Variants in BMP3 observed in about 807,000 individuals in gnomAD.
BMP3 encodes the protein bone morphogenetic protein 3 (osteogenic).
Under a neutral mutation model 38.1 loss-of-function variants are expected in BMP3, and 23 were observed. That is an observed-to-expected ratio of 0.60 (90% CI 0.43 to 0.86). BMP3 has a LOEUF of 0.86. Among genes scored for constraint, BMP3 ranks in the 40% least tolerant of loss-of-function variants. The pLI is 0.00. For synonymous variants in BMP3, 258 were observed against 225.7 expected, an observed-to-expected ratio of 1.14 and a Z score of -1.28; for missense variants, 628 against 579.6, an observed-to-expected ratio of 1.08 and a Z score of -0.86.
intron 1 of BMP3, among the ~76,000 whole-genome samples, chr4:81,041,434 T>C (rs1265377147): frequency 1.3e-5 from 2 of 152,248 alleles, no homozygotes; most frequent in African/African-American, 4.8e-5. Flanking sequence ...AAATGGCTGA[T>C]AATTCTAGCT....
rs1739765083 is a variant in BMP3, at chr4:81,031,484, A to G, written c.200A>G (p.Tyr67Cys). 3 of 1,613,190 alleles carry G rather than the reference A, an allele frequency of 1.9e-6. No individual in the cohort carries two copies. The highest frequency in any genetic ancestry group is 1.7e-6 in the Non-Finnish European group (2 of 1,179,656). ...SEHMLRLYDRYSTVQAARTPG... is the reference protein window; with the variant it reads ...SEHMLRLYDRCSTVQAARTPG... ...CACATGCTGCGGCTCTATGACAGGT[A>G]CAGCACGGTCCAGGCGGCCCGGACA... Residue 67 changes from tyrosine to cysteine, a missense_variant, in exon 1 of 3, where the codon TAC becomes TGC. Transcript: ENST00000282701.
At position 81,053,610 on chromosome 4, in the gene BMP3, T is replaced by G. The variant is rs2109914477; in HGVS notation, c.*74T>G. 1.5e-5 allele frequency: 12 copies of G among 811,962 alleles called. No homozygotes were observed. Among genetic ancestry groups the G allele is most frequent in the African/African-American group, 7.1e-5 (4 of 56,664 alleles). The allele number at this position is 811,962 out of a possible 1,614,324, so 50.3% of individuals were successfully genotyped here. On this transcript the variant is annotated 3_prime_UTR_variant, in exon 3 of 3. Coordinates refer to ENST00000282701, the MANE Select transcript of BMP3 (RefSeq NM_001201.5). ...TTATGGACTTCTTCCTGTTTTTTTT[T>G]TTTTTTTTTTTGCACTGCCAATGCA... is the stretch of plus-strand genomic sequence containing the variant.
chr4:81,046,289 T>A lies in BMP3; in HGVS notation c.868T>A (p.Ser290Thr), dbSNP rs749000111. 8.1e-6 allele frequency: 13 copies of A among 1,613,942 alleles called. No individual in the cohort carries two copies. The highest frequency in any genetic ancestry group is 1.1e-5 in the Non-Finnish European group (13 of 1,180,006). ...TTCCATTGAGCGGAGGAAGAAGCGC[T>A]CTACTGGGGTCTTGCTGCCTCTGCA... Reference protein sequence around the residue: ...ALSIERRKKRSTGVLLPLQNN... With the variant: ...ALSIERRKKRTTGVLLPLQNN... Residue 290 changes from serine to threonine, a missense_variant, in exon 2 of 3, where the codon TCT (serine) becomes ACT (threonine). Coordinates refer to ENST00000282701, the MANE Select transcript of BMP3 (RefSeq NM_001201.5).
At chr4:81,043,589 A>ATTTT (rs1560511859) in intron 1 of BMP3, among the ~76,000 whole-genome samples, 2 of 18,664 alleles carry the variant, frequency 1.1e-4, no homozygotes. Flanking sequence ...AGCATACTAC[A>ATTTT]ATTTTTTTTT....
Position 81,046,433 on chromosome 4 carries a change from C to T in BMP3, c.1012C>T (p.Gln338Ter). The T allele has an allele frequency of 1.2e-6, 2 of 1,613,694 alleles. No individual in the cohort carries two copies. Among genetic ancestry groups the T allele is most frequent in the African/African-American group, 2.7e-5 (2 of 74,926 alleles). ...TGAAAAGAGTAAGAATAAAAAGAAA[C>T]AGAGAAAGGGGCCTCATCGGAAGAG... ...APEKSKNKKK[Q>*]RKGPHRKSQT... The change falls in exon 2 of 3, where the codon CAG becomes TAG. Residue 338 changes from glutamine to a stop codon, truncating the protein, a stop_gained. Transcript: ENST00000282701. LOFTEE classifies it high-confidence loss of function.
Position 81,053,601 on chromosome 4 carries a change from GTTTTTT to G in BMP3, c.*80_*85del, listed in dbSNP as rs60606505. On this transcript the variant is annotated 3_prime_UTR_variant, in exon 3 of 3. Transcript: ENST00000282701. The stretch of plus-strand genomic sequence containing the variant: ...AGTTTATTTTTATGGACTTCTTCCT[GTTTTTT>G]TTTTTTTTTTTTTTGCACTGCCAAT... 3.9e-4 allele frequency: 138 copies of G among 357,902 alleles called. No individual in the cohort carries two copies. Among genetic ancestry groups the G allele is most frequent in the Admixed American group, 7.1e-4 (10 of 14,068 alleles). The allele number at this position is 357,902 out of a possible 1,614,324, so 22.2% of individuals were successfully genotyped here.
intron 1 of BMP3, among the ~76,000 whole-genome samples, chr4:81,040,815 C>T (rs1039201587): frequency 6.6e-6 from 1 of 152,152 alleles, no homozygotes; most frequent in African/African-American, 2.4e-5. Context: ...CGAATACTAT[C>T]CACAGCCTAA....
Position 81,031,271 on chromosome 4 carries a change from G to A in BMP3, c.-14G>A. ...GCGACGCCGGGAGCCGACGCGCCGC[G>A]CGGGTACCTAGCCATGGCTGGGGCG... is the stretch of plus-strand genomic sequence containing the variant. On this transcript the variant is annotated 5_prime_UTR_variant, in exon 1 of 3. Transcript: ENST00000282701. The A allele has an allele frequency of 1.3e-6, 2 of 1,576,322 alleles. No individual in the cohort carries two copies. Among genetic ancestry groups the A allele is most frequent in the Non-Finnish European group, 1.7e-6 (2 of 1,160,910 alleles).
intron 2 of BMP3, among the ~76,000 whole-genome samples, chr4:81,050,662 T>C (rs1452869155): frequency 6.6e-6 from 1 of 152,100 alleles, no homozygotes; most frequent in Non-Finnish European, 1.5e-5. Flanking sequence ...CAACCTCAAT[T>C]AATTTCCTGA....
Position 81,032,207 on chromosome 4 carries a change from A to AAAC in BMP3, c.316+609_316+610insCAA, listed in dbSNP as rs1331176849. Among the ~76,000 whole-genome samples, 45 of 150,292 alleles carry AAAC rather than the reference A, an allele frequency of 3.0e-4. 2 individuals are homozygous for AAAC. The highest frequency in any genetic ancestry group is 5.8e-4 in the Non-Finnish European group (39 of 67,454). On this transcript the variant is annotated intron_variant, in intron 1 of 2. Coordinates refer to ENST00000282701, the MANE Select transcript of BMP3 (RefSeq NM_001201.5). Reference sequence around the variant, plus strand: ...GTTCCTTAGTGGCAAAAAAAAAAAAAAAAAAAAAAAAAACAGGTGCTTGGG... The same window carrying AAAC: ...GTTCCTTAGTGGCAAAAAAAAAAAAAAACAAAAAAAAAAAAACAGGTGCTTGGG...
chr4:81,031,562 A>G lies in BMP3; in HGVS notation c.278A>G (p.Glu93Gly). 4 of 1,609,910 alleles carry G rather than the reference A, an allele frequency of 2.5e-6. No individual in the cohort carries two copies. In the South Asian group the frequency reaches 3.3e-5, roughly 13 times the overall value. ...SQPWRPRLLR[E>G]GNTVRSFRAA... Reference sequence around the variant, plus strand: ...CCCTGGCGCCCTCGGCTCCTGCGCGAAGGCAACACGGTTCGCAGCTTTCGG... The same window carrying G: ...CCCTGGCGCCCTCGGCTCCTGCGCGGAGGCAACACGGTTCGCAGCTTTCGG... The change falls in exon 1 of 3, where the codon GAA becomes GGA. Residue 93 changes from glutamate (E) to glycine (G), a missense_variant. Transcript: ENST00000282701.
rs1420304885 is a variant in BMP3 at position 81,055,433 on chromosome 4, T to G, written c.*1897T>G. On this transcript the variant is annotated 3_prime_UTR_variant, in exon 3 of 3. Coordinates refer to ENST00000282701, the MANE Select transcript of BMP3 (RefSeq NM_001201.5). Reference sequence around the variant, plus strand: ...TTCTGGTGCCTGAGTTACCATGCTTTCTTCTAGTTCTTACAGTAGCATAAA... The same window carrying G: ...TTCTGGTGCCTGAGTTACCATGCTTGCTTCTAGTTCTTACAGTAGCATAAA... The G allele has an allele frequency of 1.3e-5, 2 of 152,174 alleles. No individual in the cohort carries two copies. The highest frequency in any genetic ancestry group is 4.8e-5 in the African/African-American group (2 of 41,448). The allele number at this position is 152,174 out of a possible 1,614,324, so 9.4% of individuals were successfully genotyped here. A position where few individuals can be genotyped will look rare whatever the true frequency, so the allele number is the denominator to read the frequency against.
Position 81,031,521 on chromosome 4 carries a change from G to A in BMP3, c.237G>A (p.Leu79=), listed in dbSNP as rs753759822. 1.9e-6 allele frequency: 3 copies of A among 1,612,392 alleles called. No homozygotes were observed. In the African/African-American group the frequency reaches 4.0e-5, roughly 22 times the overall value. The change falls in exon 1 of 3, where the codon CTG becomes CTA. Residue 79 remains leucine (L), a synonymous_variant. Transcript: ENST00000282701. The stretch of plus-strand genomic sequence containing the variant: ...AGGCGGCCCGGACACCGGGCTCCCT[G>A]GAGGGAGGCTCGCAGCCCTGGCGCC... ...TVQAARTPGS[L]EGGSQPWRPR...
intron 1 of BMP3, among the ~76,000 whole-genome samples, chr4:81,034,471 T>C (rs1481647226): frequency 6.6e-6 from 1 of 152,212 alleles, no homozygotes; most frequent in Non-Finnish European, 1.5e-5. Flanking sequence ...ATTTTTCTTC[T>C]GTCTTGATCT....
chr4:81,032,300 G>A (rs1257450707), intron 1 of BMP3, among the ~76,000 whole-genome samples: 1 of 151,746 alleles, frequency 6.6e-6, no homozygotes, highest in Non-Finnish European at 1.5e-5. Context: ...GGAGCTGGGA[G>A]ACAAGGGGAG....
chr4:81,039,025 G>A (rs1739996659), intron 1 of BMP3, among the ~76,000 whole-genome samples: 1 of 146,730 alleles, frequency 6.8e-6, no homozygotes, highest in Admixed American at 6.7e-5. Flanking sequence ...ATAAAGCACA[G>A]TCATTTGACT....
At chr4:81,052,165 G>C (rs1034547725) in intron 2 of BMP3, among the ~76,000 whole-genome samples, 2 of 152,040 alleles carry the variant, frequency 1.3e-5, no homozygotes, top group African/African-American at 4.8e-5. Flanking sequence ...TGAGCCATGA[G>C]AAACATGGCT....
intron 2 of BMP3, among the ~76,000 whole-genome samples, chr4:81,049,134 A>G (rs1313507453): frequency 1.3e-5 from 2 of 152,218 alleles, no homozygotes; most frequent in Non-Finnish European, 2.9e-5. Flanking sequence ...CACCTTGCAC[A>G]TAGTAGGTTA....
Position 81,045,995 on chromosome 4 carries a change from C to T in BMP3, c.574C>T (p.Arg192Ter), listed in dbSNP as rs759472288. The change falls in exon 2 of 3, where the codon CGA (arginine) becomes TGA (stop). Residue 192 changes from arginine to a stop codon, truncating the protein, a stop_gained. Transcript: ENST00000282701. LOFTEE classifies it high-confidence loss of function. ...HLSVDMAKSHRDIMSWLSKDI... is the reference protein window; with the variant it reads ...HLSVDMAKSH ...GTCAGTGGATATGGCCAAATCTCAT[C>T]GAGATATTATGTCCTGGCTGTCTAA... 6 of 1,613,908 alleles carry T rather than the reference C, an allele frequency of 3.7e-6. No homozygotes were observed. Among genetic ancestry groups the T allele is most frequent in the South Asian group, 1.1e-5 (1 of 91,058 alleles).
Sources: allele counts gnomAD v4.1 joint callset (sites outside exome capture counted in the v4.1 genomes callset), GRCh38; gene constraint gnomAD v4.1.1; transcripts MANE v1.5; gene names NCBI Gene and HGNC (gene_info 2026-07-23, HGNC 2026-07-21).